GRIN3A: variants seen among roughly 807,000 people sequenced by gnomAD.
GRIN3A encodes the protein glutamate receptor ionotropic, NMDA 3A.
A neutral mutation model predicts 92.4 loss-of-function variants in GRIN3A; 47 were observed. The observed-to-expected ratio is 0.51, with a 90% confidence interval of 0.40 to 0.65. The LOEUF is 0.65. Ranked by LOEUF, GRIN3A falls within the 30% of genes least tolerant of loss-of-function variation. GRIN3A has a pLI of 0.00. For missense variants in GRIN3A, 1,324 were observed against 1,393.1 expected, an observed-to-expected ratio of 0.95 and a Z score of 0.79; for synonymous variants, 527 against 540.6, an observed-to-expected ratio of 0.97 and a Z score of 0.35.
intron 6 of GRIN3A, among the ~76,000 whole-genome samples, chr9:101,588,757 G>T (rs1167895092): frequency 1.3e-5 from 2 of 151,744 alleles, no homozygotes; most frequent in Non-Finnish European, 2.9e-5. Flanking sequence ...GCTTTTAAAA[G>T]AACTTATTTT....
intron 1 of GRIN3A, among the ~76,000 whole-genome samples, chr9:101,693,244 AATAT>A (rs3082770): frequency 0.47 from 59,539 of 127,962 alleles, 14,423 homozygotes; most frequent in Non-Finnish European, 0.54. Context: ...TCTCAGCTAA[AATAT>A]ATATATATAT....
At chr9:101,574,864 G>A (rs955442061) in intron 8 of GRIN3A, among the ~76,000 whole-genome samples, 2 of 152,178 alleles carry the variant, frequency 1.3e-5, no homozygotes, top group Admixed American at 6.5e-5. Context: ...CTGCATGATG[G>A]TAGACCATAT....
chr9:101,673,373 A>G (rs914281926), intron 2 of GRIN3A, among the ~76,000 whole-genome samples: 1 of 152,104 alleles, frequency 6.6e-6, no homozygotes, highest in Non-Finnish European at 1.5e-5. Context: ...GTCATTTTCC[A>G]AAGAAGGCAA....
chr9:101,671,252 T>A, intron 2 of GRIN3A, 145 bp from the exon 3 acceptor site: 1 of 699,806 alleles, frequency 1.4e-6, no homozygotes, highest in South Asian at 1.5e-5. Context: ...CTTCAAATGT[T>A]AATAAGCTGG....
intron 1 of GRIN3A, among the ~76,000 whole-genome samples, chr9:101,724,316 C>A (rs1390119749): frequency 6.6e-6 from 1 of 152,190 alleles, no homozygotes; most frequent in Non-Finnish European, 1.5e-5. Context: ...TGGGCTGGCA[C>A]TGCTGGGGGA....
At position 101,671,024 on chromosome 9, in the gene GRIN3A, A is replaced by T. The variant is rs1829312080; in HGVS notation, c.1388T>A (p.Phe463Tyr). 1.2e-6 allele frequency: 2 copies of T among 1,613,816 alleles called. No homozygotes were observed. The highest frequency in any genetic ancestry group is 1.7e-6 in the Non-Finnish European group (2 of 1,179,894). Reference protein sequence around the residue: ...GSTIVSSENNFFIWNLQHDPM... With the variant: ...GSTIVSSENNYFIWNLQHDPM... The stretch of plus-strand genomic sequence containing the variant: ...GTCATGTTGAAGATTCCAGATGAAA[A>T]AGTTGTTTTCTGAGCTGACGATGGT... Residue 463 changes from phenylalanine (F) to tyrosine (Y), a missense_variant, in exon 3 of 9, where the codon TTT (phenylalanine) becomes TAT (tyrosine). By Grantham distance (22) the Phe-to-Tyr change is conservative (BLOSUM62 3). Coordinates refer to ENST00000361820, the MANE Select transcript of GRIN3A (RefSeq NM_133445.3).
chr9:101,730,899 T>A (rs1314621445), intron 1 of GRIN3A, among the ~76,000 whole-genome samples: 1 of 152,086 alleles, frequency 6.6e-6, no homozygotes, highest in Non-Finnish European at 1.5e-5. Context: ...AATAGATGCA[T>A]GAATAGAGAA....
intron 6 of GRIN3A, chr9:101,594,954 G>A (rs2118815609): frequency 1.3e-6 from 2 of 1,582,126 alleles, no homozygotes; most frequent in African/African-American, 1.3e-5. Context: ...CGGCTCAAAG[G>A]GTCGGAGAGG....
rs188560127 is a variant in GRIN3A, at chr9:101,574,748, G to A, written c.3009-1235C>T. ...TTGTTTTGGGCAACAGAAAGTGGCAGACATATCAGAGTGGCAGTTCCAAGC... is the reference window on the plus strand; with the variant it reads ...TTGTTTTGGGCAACAGAAAGTGGCAAACATATCAGAGTGGCAGTTCCAAGC... On this transcript the variant is annotated intron_variant, in intron 8 of 8. Transcript: ENST00000361820. 1.4e-4 allele frequency among the ~76,000 whole-genome samples: 22 copies of A among 152,290 alleles called. No homozygotes were observed. In the East Asian group the frequency reaches 3.5e-3, roughly 24 times the overall value.
intron 3 of GRIN3A, among the ~76,000 whole-genome samples, chr9:101,663,167 A>C (rs182745595): frequency 1.4e-3 from 207 of 151,844 alleles, no homozygotes; most frequent in Non-Finnish European, 2.6e-3. Flanking sequence ...CATCCTCATC[A>C]ACTTCCCTTT....
chr9:101,737,719 C>T lies in GRIN3A; in HGVS notation c.261G>A (p.Arg87=). 1 of 1,526,380 alleles carries T rather than the reference C, an allele frequency of 6.6e-7. No individual in the cohort carries two copies. Among genetic ancestry groups the T allele is most frequent in the South Asian group, 1.2e-5 (1 of 82,320 alleles). The allele number at this position is 1,526,380 out of a possible 1,614,324, so 94.6% of individuals were successfully genotyped here. ...QRDEPEPGTR[R]SPAPSPGARW... is the part of the protein sequence containing the mutation. ...GTGCGCCCGGCGAGGGCGCCGGGGA[C>T]CGCCTAGTCCCTGGCTCCGGCTCAT... Residue 87 remains arginine (R), a synonymous_variant, in exon 1 of 9, where the codon CGG becomes CGA. Transcript: ENST00000361820.
chr9:101,707,162 A>T (rs1478967926), intron 1 of GRIN3A, among the ~76,000 whole-genome samples: 1 of 152,252 alleles, frequency 6.6e-6, no homozygotes, highest in African/African-American at 2.4e-5. Context: ...ATTTCCCAGC[A>T]GTAAGTATTT....
At chr9:101,583,910 G>T (rs574295332) in intron 6 of GRIN3A, among the ~76,000 whole-genome samples, 1 of 152,244 alleles carries the variant, frequency 6.6e-6, no homozygotes, top group East Asian at 1.9e-4. Flanking sequence ...ATACTAGAGT[G>T]CAATGGCACA....
rs1236717450 is a variant in GRIN3A at position 101,571,918 on chromosome 9, C to G, written c.*1256G>C. 6.6e-6 allele frequency: 1 copy of G among 152,188 alleles called. No homozygotes were observed. Among genetic ancestry groups the G allele is most frequent in the Non-Finnish European group, 1.5e-5 (1 of 68,080 alleles). 9.4% of individuals were successfully genotyped at this position (152,188 alleles called of 1,614,324 possible). A position where few individuals can be genotyped will look rare whatever the true frequency, so the allele number is the denominator to read the frequency against. On this transcript the variant is annotated 3_prime_UTR_variant, in exon 9 of 9. Coordinates refer to ENST00000361820, the MANE Select transcript of GRIN3A (RefSeq NM_133445.3). Reference sequence around the variant, plus strand: ...CTACATTGACATTTGAGAACTGACCCATATTCCTTTCCCTTGCTGCCTAAA... The same window carrying G: ...CTACATTGACATTTGAGAACTGACCGATATTCCTTTCCCTTGCTGCCTAAA...
chr9:101,737,162 T>A lies in GRIN3A; in HGVS notation c.699+119A>T, dbSNP rs1415033626. The A allele has an allele frequency of 8.7e-6, 7 of 800,182 alleles. No individual in the cohort carries two copies. In the South Asian group the frequency reaches 1.0e-4, roughly 12 times the overall value. 49.6% of individuals were successfully genotyped at this position (800,182 alleles called of 1,614,324 possible). On this transcript the variant is annotated intron_variant, in intron 1 of 8. Transcript: ENST00000361820. Reference sequence around the variant, plus strand: ...AACATGGCCCAATCGTTAAGCAATATCAAAGTTATAAAGTAACAACTCCCC... The same window carrying A: ...AACATGGCCCAATCGTTAAGCAATAACAAAGTTATAAAGTAACAACTCCCC...
intron 3 of GRIN3A, among the ~76,000 whole-genome samples, chr9:101,662,325 A>G (rs1044548060): frequency 2.0e-5 from 3 of 151,806 alleles, no homozygotes; most frequent in African/African-American, 7.2e-5. Flanking sequence ...AATTATTGGT[A>G]TTAAAATATG....
intron 1 of GRIN3A, among the ~76,000 whole-genome samples, chr9:101,723,039 G>A (rs1229835146): frequency 6.6e-6 from 1 of 152,154 alleles, no homozygotes; most frequent in Non-Finnish European, 1.5e-5. Flanking sequence ...GTATCTTCCT[G>A]GATTCCCATG....
At chr9:101,586,806 G>C (rs1827955804) in intron 6 of GRIN3A, among the ~76,000 whole-genome samples, 1 of 152,160 alleles carries the variant, frequency 6.6e-6, no homozygotes, top group African/African-American at 2.4e-5. Context: ...CTCAAGGCCA[G>C]TCAATGTGAA....
chr9:101,605,394 G>GCAATTTGT (rs1331462654), intron 6 of GRIN3A, among the ~76,000 whole-genome samples: 1 of 151,998 alleles, frequency 6.6e-6, no homozygotes, highest in African/African-American at 2.4e-5. Context: ...GGGAGGTTAA[G>GCAATTTGT]CAATTTGTGT....
Sources: gnomAD v4.1 joint callset for allele counts (sites outside exome capture counted in the v4.1 genomes callset) on GRCh38, gnomAD v4.1.1 for gene constraint, MANE v1.5 for transcripts, NCBI Gene and HGNC (gene_info 2026-07-23, HGNC 2026-07-21) for gene names.